CELF4: variants seen among roughly 807,000 people sequenced by gnomAD.
CELF4 encodes the protein CUGBP Elav-like family member 4.
Under a neutral mutation model 59.9 loss-of-function variants are expected in CELF4, and 18 were observed. The observed-to-expected ratio is 0.30, with a 90% CI of 0.21 to 0.45. The LOEUF is 0.45. Among genes scored for constraint, CELF4 ranks in the 20% least tolerant of loss-of-function variants. CELF4 has a pLI of 1.00. For missense variants in CELF4, 456 were observed against 689.0 expected (o/e 0.66, Z 3.79); for synonymous variants, 261 against 267.1 (o/e 0.98, Z 0.22).
chr18:37,462,401 G>C (rs2099796136), intron 2 of CELF4, among the ~76,000 whole-genome samples: 1 of 152,156 alleles, frequency 6.6e-6, no homozygotes, highest in Non-Finnish European at 1.5e-5. Flanking sequence ...TGCTCCTCCG[G>C]AGGCCTTTCT....
At chr18:37,531,730 G>C (rs1169022544) in intron 1 of CELF4, among the ~76,000 whole-genome samples, 1 of 152,168 alleles carries the variant, frequency 6.6e-6, no homozygotes, top group African/African-American at 2.4e-5. Context: ...CCTGTGCTAG[G>C]ATAGAGGGGC....
At chr18:37,308,272 C>G (rs1046399539) in intron 3 of CELF4, among the ~76,000 whole-genome samples, 1 of 152,170 alleles carries the variant, frequency 6.6e-6, no homozygotes, top group African/African-American at 2.4e-5. Flanking sequence ...CCTCCCCACC[C>G]CAAACTCCTT....
intron 1 of CELF4, among the ~76,000 whole-genome samples, chr18:37,544,544 G>A (rs2099980025): frequency 6.6e-6 from 1 of 152,202 alleles, no homozygotes; most frequent in East Asian, 1.9e-4. Flanking sequence ...GAACTTGCAC[G>A]TAATATGTCA....
At chr18:37,350,731 C>G (rs1310666466) in intron 2 of CELF4, among the ~76,000 whole-genome samples, 2 of 152,250 alleles carry the variant, frequency 1.3e-5, no homozygotes, top group Non-Finnish European at 2.9e-5. Flanking sequence ...CCCTTTATCT[C>G]TCCGAGTCTA....
intron 2 of CELF4, among the ~76,000 whole-genome samples, chr18:37,461,148 A>G (rs1569569494): frequency 6.6e-6 from 1 of 152,184 alleles, no homozygotes; most frequent in Non-Finnish European, 1.5e-5. Context: ...CAACTAGTTC[A>G]CCACAGGTGT....
chr18:37,450,678 C>T (rs891149385), intron 2 of CELF4, among the ~76,000 whole-genome samples: 1 of 152,082 alleles, frequency 6.6e-6, no homozygotes, highest in Non-Finnish European at 1.5e-5. Context: ...AGCACAGCCT[C>T]GCTGACCCTA....
chr18:37,432,456 G>C (rs2099672806), intron 2 of CELF4, among the ~76,000 whole-genome samples: 1 of 152,232 alleles, frequency 6.6e-6, no homozygotes, highest in African/African-American at 2.4e-5. Flanking sequence ...AGAAATCATG[G>C]TAGGCACACT....
chr18:37,519,668 G>C (rs2099954945), intron 1 of CELF4, among the ~76,000 whole-genome samples: 1 of 152,218 alleles, frequency 6.6e-6, no homozygotes, highest in African/African-American at 2.4e-5. Flanking sequence ...CATTAGGAGA[G>C]TCACTGAGGA....
At chr18:37,370,236 C>T (rs1208834261) in intron 2 of CELF4, among the ~76,000 whole-genome samples, 9 of 152,126 alleles carry the variant, frequency 5.9e-5, no homozygotes, top group East Asian at 1.9e-4. Context: ...CCTGCTTTCC[C>T]GAGCCCGAGG....
chr18:37,559,881 C>T (rs765349843), intron 1 of CELF4, among the ~76,000 whole-genome samples: 29 of 152,196 alleles, frequency 1.9e-4, no homozygotes, highest in Non-Finnish European at 2.6e-4. Flanking sequence ...CCCTGGGACA[C>T]GAGCTCCCTG....
chr18:37,389,912 AG>A (rs2099139917), intron 2 of CELF4, among the ~76,000 whole-genome samples: 1 of 152,224 alleles, frequency 6.6e-6, no homozygotes, highest in Admixed American at 6.5e-5. Flanking sequence ...ACTGTCAGGA[AG>A]CAGTCTGGAC....
chr18:37,565,149 GCA>G (rs2099987828), intron 1 of CELF4, among the ~76,000 whole-genome samples: 1 of 152,052 alleles, frequency 6.6e-6, no homozygotes, highest in Non-Finnish European at 1.5e-5. Context: ...GTTCCTATCA[GCA>G]CCTCGCCCAA....
At chr18:37,451,488 T>G (rs1275799618) in intron 2 of CELF4, among the ~76,000 whole-genome samples, 1 of 152,128 alleles carries the variant, frequency 6.6e-6, no homozygotes, top group African/African-American at 2.4e-5. Flanking sequence ...CCCATGTGCA[T>G]GTGTGTCACT....
At chr18:37,480,723 AAAGAGGGAGGGAG>A (rs1475534494) in intron 2 of CELF4, among the ~76,000 whole-genome samples, 38 of 152,078 alleles carry the variant, frequency 2.5e-4, no homozygotes, top group Admixed American at 2.5e-3. Flanking sequence ...GCCAAAGTTG[AAAGAGGGAGGGAG>A]GAGAGGGAAA....
At chr18:37,482,345 T>G (rs892727013) in intron 2 of CELF4, among the ~76,000 whole-genome samples, 2 of 152,056 alleles carry the variant, frequency 1.3e-5, no homozygotes, top group Admixed American at 6.6e-5. Flanking sequence ...ATCAAGAGTA[T>G]GAGGGCGAGA....
chr18:37,532,702 T>C (rs778211273), intron 1 of CELF4, among the ~76,000 whole-genome samples: 16 of 152,190 alleles, frequency 1.1e-4, no homozygotes, highest in Non-Finnish European at 2.4e-4. Context: ...ATGTTGTCTA[T>C]AGAAGTAACA....
intron 2 of CELF4, among the ~76,000 whole-genome samples, chr18:37,377,544 G>A (rs761090932): frequency 1.3e-5 from 2 of 152,186 alleles, no homozygotes; most frequent in Admixed American, 6.5e-5. Context: ...CTGAGGGGTC[G>A]TTCCTGAGGC....
At chr18:37,513,941 CGTGTGTGTGTGTGTGTGTGTGTGT>C (rs5824070) in intron 1 of CELF4, among the ~76,000 whole-genome samples, 4 of 144,244 alleles carry the variant, frequency 2.8e-5, no homozygotes, top group South Asian at 2.4e-4. Flanking sequence ...TGTGTGGTGC[CGTGTGTGTGTGTGTGTGTGTGTGT>C]GTGTGTGTGT....
Position 37,422,683 on chromosome 18 carries a change from A to G in CELF4, c.369+62842T>C, listed in dbSNP as rs569183424. On this transcript the variant is annotated intron_variant, in intron 2 of 12. Coordinates refer to ENST00000420428, the MANE Select transcript of CELF4 (RefSeq NM_020180.4). ...ATGCATGTGCCAGCACATGCATGAA[A>G]GTGAGAGAGAGCCCTGGGTTTAGGG... Among the ~76,000 whole-genome samples, 123 of 152,292 alleles carry G rather than the reference A, an allele frequency of 8.1e-4. 1 individual carries two copies. Among genetic ancestry groups the G allele is most frequent in the African/African-American group, 2.2e-3 (91 of 41,562 alleles).
Sources: gnomAD v4.1 joint callset for allele counts (sites outside exome capture counted in the v4.1 genomes callset) on GRCh38, gnomAD v4.1.1 for gene constraint, MANE v1.5 for transcripts, NCBI Gene and HGNC (gene_info 2026-07-23, HGNC 2026-07-21) for gene names.